Variants in CDKAL1 observed in about 807,000 individuals in gnomAD.
The protein encoded by CDKAL1 is CDKAL1 threonylcarbamoyladenosine tRNA methylthiotransferase.
In CDKAL1, 32 loss-of-function variants were observed where a neutral mutation model predicts 68.2. The ratio of observed to expected loss-of-function variants is 0.47; its 90% CI spans 0.35 to 0.63. The LOEUF is 0.63. Ranked by LOEUF, CDKAL1 falls within the 30% of genes least tolerant of loss-of-function variation. The pLI, the probability that CDKAL1 is intolerant of heterozygous loss-of-function variation, is 0.00. For missense variants in CDKAL1, 606 were observed against 696.7 expected (o/e 0.87, Z 1.47); for synonymous variants, 234 against 244.3 (o/e 0.96, Z 0.39).
At chr6:20,591,412 T>G (rs1765587472) in intron 4 of CDKAL1, among the ~76,000 whole-genome samples, 1 of 152,164 alleles carries the variant, frequency 6.6e-6, no homozygotes, top group South Asian at 2.1e-4. Context: ...GGTGTTTTAG[T>G]CATGAAGTCT....
chr6:20,925,107 A>T (rs756458373), intron 9 of CDKAL1, among the ~76,000 whole-genome samples: 1 of 152,186 alleles, frequency 6.6e-6, no homozygotes, highest in Non-Finnish European at 1.5e-5. Flanking sequence ...GGGCATCCCA[A>T]CCTTCACCAA....
At chr6:20,582,118 C>CT (rs1765165429) in intron 4 of CDKAL1, among the ~76,000 whole-genome samples, 1 of 151,988 alleles carries the variant, frequency 6.6e-6, no homozygotes, top group Non-Finnish European at 1.5e-5. Flanking sequence ...TTATGGAGAC[C>CT]TTTACATTTA....
At chr6:20,587,348 A>G (rs527556454) in intron 4 of CDKAL1, among the ~76,000 whole-genome samples, 1 of 152,282 alleles carries the variant, frequency 6.6e-6, no homozygotes, top group African/African-American at 2.4e-5. Context: ...CTTATAAATT[A>G]TCTACAAACC....
At position 21,231,112 on chromosome 6, in the gene CDKAL1, C is replaced by T. The variant is rs1436165224; in HGVS notation, c.*73C>T. 84 of 1,207,728 alleles carry T rather than the reference C, an allele frequency of 7.0e-5. No individual in the cohort carries two copies. In the East Asian group the frequency reaches 1.9e-3, roughly 28 times the overall value. 74.8% of individuals were successfully genotyped at this position (1,207,728 alleles called of 1,614,324 possible). ...AAATCTTCAATGAACAGGAAAGCGA[C>T]ATCTCCATTCTCCAAGGGCAATAAT... On this transcript the variant is annotated 3_prime_UTR_variant, in exon 16 of 16. Coordinates refer to ENST00000274695, the MANE Select transcript of CDKAL1 (RefSeq NM_017774.3).
At chr6:20,725,932 A>G (rs1330169124) in intron 5 of CDKAL1, among the ~76,000 whole-genome samples, 2 of 152,116 alleles carry the variant, frequency 1.3e-5, no homozygotes, top group South Asian at 2.1e-4. Flanking sequence ...ATTTAACCCT[A>G]TATAATATGC....
intron 11 of CDKAL1, among the ~76,000 whole-genome samples, chr6:21,020,845 AAGCG>A (rs1768622074): frequency 6.7e-6 from 1 of 150,254 alleles, no homozygotes; most frequent in Admixed American, 6.7e-5. Flanking sequence ...TCCTGGGCTC[AAGCG>A]ATCCTTTTGT....
chr6:21,231,191 C>A lies in CDKAL1; in HGVS notation c.*152C>A. 1 of 531,628 alleles carries A rather than the reference C, an allele frequency of 1.9e-6. No homozygotes were observed. Among genetic ancestry groups the A allele is most frequent in the Non-Finnish European group, 3.2e-6 (1 of 311,416 alleles). The allele number at this position is 531,628 out of a possible 1,614,324, so 32.9% of individuals were successfully genotyped here. ...GCCACTCTTCTTAATGAGGCTCCCC[C>A]TGTCTCACATTGAGTTGGGCCCATT... On this transcript the variant is annotated 3_prime_UTR_variant, in exon 16 of 16. Coordinates refer to ENST00000274695, the MANE Select transcript of CDKAL1 (RefSeq NM_017774.3).
At chr6:21,227,412 T>A in intron 15 of CDKAL1, among the ~76,000 whole-genome samples, 1 of 152,232 alleles carries the variant, frequency 6.6e-6, no homozygotes, top group South Asian at 2.1e-4. Context: ...TATTAATTAC[T>A]CTGTCATCTG....
intron 9 of CDKAL1, among the ~76,000 whole-genome samples, chr6:20,929,619 T>C (rs1763336208): frequency 6.6e-6 from 1 of 152,162 alleles, no homozygotes. Flanking sequence ...AAAATAGATT[T>C]TGTTGTTGTT....
intron 13 of CDKAL1, among the ~76,000 whole-genome samples, chr6:21,132,932 CATG>C (rs1164649466): frequency 6.6e-6 from 1 of 152,060 alleles, no homozygotes. Context: ...TCTAGGCACA[CATG>C]ATCCAGTTAC....
At chr6:21,100,909 G>A (rs986411234) in intron 12 of CDKAL1, among the ~76,000 whole-genome samples, 2 of 152,146 alleles carry the variant, frequency 1.3e-5, no homozygotes, top group African/African-American at 4.8e-5. Flanking sequence ...TTTTAATTAA[G>A]CTTCTGATGC....
rs180930862 is a variant in CDKAL1, at chr6:20,583,791, C to A, written c.286+35086C>A. Among the ~76,000 whole-genome samples the A allele has an allele frequency of 2.7e-5, 4 of 150,428 alleles. No individual in the cohort carries two copies. In the East Asian group the frequency reaches 7.9e-4, roughly 30 times the overall value. ...ACTTTTGTTAGTAAAAGCGCCCCCC[C>A]CCACTAGTTTCAGTCTGCTCTTGCA... On this transcript the variant is annotated intron_variant, in intron 4 of 15. Coordinates refer to ENST00000274695, the MANE Select transcript of CDKAL1 (RefSeq NM_017774.3).
At chr6:20,656,740 G>A (rs1769044978) in intron 5 of CDKAL1, among the ~76,000 whole-genome samples, 1 of 152,130 alleles carries the variant, frequency 6.6e-6, no homozygotes, top group Non-Finnish European at 1.5e-5. Flanking sequence ...ATGGTTCAAA[G>A]TAATGAAATG....
chr6:21,200,786 G>C lies in CDKAL1; in HGVS notation c.1384-324G>C, dbSNP rs140236398. The C allele has an allele frequency of 3.5e-3, 619 of 175,944 alleles. 3 individuals carry two copies. Among genetic ancestry groups the C allele is most frequent in the African/African-American group, 0.014 (594 of 42,184 alleles). 10.9% of individuals were successfully genotyped at this position (175,944 alleles called of 1,614,324 possible). On this transcript the variant is annotated intron_variant, in intron 14 of 15. Transcript: ENST00000274695. ...CCTCCCAGGAGTGCCTTTCCTTCCT[G>C]CAGGCTCTGCAGACCCTTGAGCAGC...
intron 11 of CDKAL1, among the ~76,000 whole-genome samples, chr6:21,058,707 G>T (rs1319304556): frequency 2.0e-5 from 3 of 152,216 alleles, no homozygotes; most frequent in African/African-American, 7.2e-5. Flanking sequence ...AGGCAGGCCT[G>T]GTGGTGACAA....
intron 2 of CDKAL1, among the ~76,000 whole-genome samples, chr6:20,540,754 C>T (rs2127646633): frequency 6.6e-6 from 1 of 152,310 alleles, no homozygotes. Flanking sequence ...CCATGCCCAG[C>T]CCTGTTTTAA....
chr6:21,002,870 T>G (rs1192569108), intron 11 of CDKAL1, among the ~76,000 whole-genome samples: 1 of 151,942 alleles, frequency 6.6e-6, no homozygotes, highest in Non-Finnish European at 1.5e-5. Context: ...GCACCTGTGA[T>G]CCCAACTACT....
chr6:20,749,763 G>T (rs1262147142), intron 6 of CDKAL1, among the ~76,000 whole-genome samples: 2 of 151,882 alleles, frequency 1.3e-5, no homozygotes, highest in African/African-American at 4.8e-5. Context: ...TAGCCAAGAG[G>T]GTCTCGATCT....
intron 10 of CDKAL1, among the ~76,000 whole-genome samples, chr6:20,971,029 A>G (rs1355133954): frequency 2.2e-4 from 34 of 152,108 alleles, no homozygotes; most frequent in Admixed American, 2.2e-3. Flanking sequence ...TTGCATTTTT[A>G]GTAGAGACGG....
Sources: allele counts gnomAD v4.1 joint callset (sites outside exome capture counted in the v4.1 genomes callset), GRCh38; gene constraint gnomAD v4.1.1; transcripts MANE v1.5; gene names NCBI Gene and HGNC (gene_info 2026-07-23, HGNC 2026-07-21).